RBM19: variants seen among roughly 807,000 people sequenced by gnomAD.
The protein encoded by RBM19 is RNA binding motif protein 19.
In RBM19, 94 loss-of-function variants were observed where a neutral mutation model predicts 116.8. The ratio of observed to expected loss-of-function variants is 0.80; its 90% CI spans 0.68 to 0.95. RBM19 has a LOEUF of 0.95. Among genes scored for constraint, RBM19 ranks in the 40% least tolerant of loss-of-function variants. The pLI is 0.00. For synonymous variants in RBM19, 475 were observed against 494.1 expected (o/e 0.96, Z 0.51); for missense variants, 1,161 against 1,220.7 (o/e 0.95, Z 0.73).
intron 16 of RBM19, among the ~76,000 whole-genome samples, chr12:113,927,591 CAAAAA>C (rs764020256): frequency 3.2e-5 from 2 of 63,060 alleles, no homozygotes; most frequent in Non-Finnish European, 7.2e-5. Context: ...CCTCAAAAAA[CAAAAA>C]AAAAAAAACA....
intron 20 of RBM19, among the ~76,000 whole-genome samples, chr12:113,915,313 C>G (rs192472495): frequency 4.1e-4 from 62 of 152,262 alleles, no homozygotes; most frequent in East Asian, 3.9e-3. Context: ...TGGCTGCTGA[C>G]CTTCATTTGA....
At position 113,965,345 on chromosome 12, in the gene RBM19, G is replaced by GAGA. The variant is rs35042116; in HGVS notation, c.36+846_36+847insTCT. Among the ~76,000 whole-genome samples the GAGA allele has an allele frequency of 2.4e-3, 321 of 131,766 alleles. 1 individual carries two copies. The highest frequency in any genetic ancestry group is 8.0e-3 in the African/African-American group (295 of 37,074). 86.4% of individuals were successfully genotyped at this position (131,766 alleles called of 152,430 possible). ...ACCAAAAAAAGCCATGAAAGAGAGA[G>GAGA]AAAAAAAAGAGATAAGACAAACAAT... On this transcript the variant is annotated intron_variant, in intron 1 of 23. Transcript: ENST00000261741.
chr12:113,817,937 A>T (rs1440164547), downstream of RBM19: 1 of 152,140 alleles, frequency 6.6e-6, no homozygotes, highest in Non-Finnish European at 1.5e-5. Context: ...TACTAAAAAT[A>T]CAAAAAATTA....
intron 23 of RBM19, among the ~76,000 whole-genome samples, chr12:113,844,379 C>A (rs1481024738): frequency 6.6e-6 from 1 of 152,246 alleles, no homozygotes; most frequent in East Asian, 1.9e-4. Flanking sequence ...GATAAACACT[C>A]TGACCTCTGT....
chr12:113,887,151 T>C (rs903490759), intron 21 of RBM19, among the ~76,000 whole-genome samples: 1 of 152,198 alleles, frequency 6.6e-6, no homozygotes, highest in Non-Finnish European at 1.5e-5. Flanking sequence ...CACACCTACT[T>C]GTTGACTTCT....
chr12:113,945,597 C>T (rs111764337), intron 13 of RBM19, among the ~76,000 whole-genome samples: 8 of 152,210 alleles, frequency 5.3e-5, no homozygotes, highest in Admixed American at 2.0e-4. Flanking sequence ...TCACATTCTC[C>T]GGGGTGGCTC....
intron 15 of RBM19, among the ~76,000 whole-genome samples, chr12:113,939,706 C>T (rs1189481323): frequency 2.6e-5 from 4 of 151,706 alleles, no homozygotes; most frequent in African/African-American, 7.3e-5. Context: ...GCAGAGATCG[C>T]GCCACTGCAC....
intron 14 of RBM19, among the ~76,000 whole-genome samples, chr12:113,942,018 C>A (rs907862709): frequency 2.6e-5 from 4 of 152,074 alleles, no homozygotes; most frequent in African/African-American, 4.8e-5. Context: ...AGTCCCCGAA[C>A]AGATAACAGA....
intron 21 of RBM19, among the ~76,000 whole-genome samples, chr12:113,872,366 C>A (rs199711676): frequency 6.7e-6 from 1 of 149,168 alleles, no homozygotes; most frequent in African/African-American, 2.4e-5. Context: ...CCTCTCTGCC[C>A]GGCAGCCACC....
chr12:113,904,083 C>T (rs1337488133), intron 21 of RBM19, among the ~76,000 whole-genome samples: 1 of 152,176 alleles, frequency 6.6e-6, no homozygotes, highest in Non-Finnish European at 1.5e-5. Flanking sequence ...AACTGATTCC[C>T]TGGCATTTTG....
intron 18 of RBM19, among the ~76,000 whole-genome samples, chr12:113,923,974 G>A (rs1868825629): frequency 6.6e-6 from 1 of 152,232 alleles, no homozygotes; most frequent in Non-Finnish European, 1.5e-5. Context: ...TGCAGTAGGT[G>A]CTCAGGACAC....
At chr12:113,862,608 A>AACCTTTGTCTC (rs1342556615) in intron 21 of RBM19, among the ~76,000 whole-genome samples, 1 of 152,146 alleles carries the variant, frequency 6.6e-6, no homozygotes, top group Non-Finnish European at 1.5e-5. Context: ...GTTGTGCATG[A>AACCTTTGTCTC]ACCTTTGTCT....
chr12:113,886,417 G>A (rs996817269), intron 21 of RBM19, among the ~76,000 whole-genome samples: 11 of 152,198 alleles, frequency 7.2e-5, no homozygotes, highest in South Asian at 2.1e-4. Flanking sequence ...AGAGGTGTAA[G>A]CCACCGCGAC....
At position 113,903,511 on chromosome 12, in the gene RBM19, G is replaced by A. The variant is rs546888384; in HGVS notation, c.2558+11458C>T. On this transcript the variant is annotated intron_variant, in intron 21 of 23. Coordinates refer to ENST00000261741, the MANE Select transcript of RBM19 (RefSeq NM_016196.4). The surrounding 1 kb of genome is among the most constrained non-coding windows in gnomAD (Gnocchi z 5.1). ...TCACTGGGTCATAGAGAAAGTGCAC[G>A]TTTTACTTTGTAAGAAACTGCCCAC... Among the ~76,000 whole-genome samples, 39 of 152,316 alleles carry A rather than the reference G, an allele frequency of 2.6e-4. No individual in the cohort carries two copies. Among genetic ancestry groups the A allele is most frequent in the Non-Finnish European group, 3.4e-4 (23 of 68,018 alleles).
In RBM19 at chr12:113,920,692, T is replaced by TGA. The variant is rs753274889; in HGVS notation, c.2306-4_2306-3dup. ...CAAACCCCATGGAAAGGAGCACTCC[T>TGA]GAGAGAGAGAGGTGGAAATCACACC... On this transcript the variant is annotated splice_polypyrimidine_tract_variant and splice_region_variant and intron_variant, in intron 18 of 23. Coordinates refer to ENST00000261741, the MANE Select transcript of RBM19 (RefSeq NM_016196.4). The TGA allele has an allele frequency of 4.3e-6, 7 of 1,612,896 alleles. No homozygotes were observed. The highest frequency in any genetic ancestry group is 4.5e-5 in the East Asian group (2 of 44,874).
intron 14 of RBM19, among the ~76,000 whole-genome samples, chr12:113,941,565 G>C (rs4767171): frequency 0.87 from 132,106 of 151,568 alleles, 57,656 homozygotes; most frequent in East Asian, 0.99. Flanking sequence ...ATCCATCCAT[G>C]CATCATCTGT....
intron 21 of RBM19, among the ~76,000 whole-genome samples, chr12:113,901,812 G>C (rs2135826810): frequency 6.6e-6 from 1 of 152,242 alleles, no homozygotes; most frequent in Admixed American, 6.5e-5. Flanking sequence ...ACCATGCCCA[G>C]CCCCAGGAAT....
chr12:113,902,598 CAA>C (rs60289889), intron 21 of RBM19, among the ~76,000 whole-genome samples: 19 of 114,882 alleles, frequency 1.7e-4, no homozygotes, highest in Admixed American at 3.5e-4. Context: ...GACCCAGTCT[CAA>C]AAAAAAAAAA....
Position 113,877,930 on chromosome 12 carries a change from C to T in RBM19, c.2559-19034G>A, listed in dbSNP as rs1379058362. The stretch of plus-strand genomic sequence containing the variant: ...AAGGAAAAAAATGACTGGTTCTTTT[C>T]GACAAGGGCTCAATAAACCATGGCC... On this transcript the variant is annotated intron_variant, in intron 21 of 23. Coordinates refer to ENST00000261741, the MANE Select transcript of RBM19 (RefSeq NM_016196.4). Among the ~76,000 whole-genome samples the T allele has an allele frequency of 3.9e-5, 6 of 152,188 alleles. No individual in the cohort carries two copies. In the East Asian group the frequency reaches 5.8e-4, roughly 15 times the overall value.
Sources: allele counts gnomAD v4.1 joint callset (sites outside exome capture counted in the v4.1 genomes callset), GRCh38; gene constraint gnomAD v4.1.1; non-coding constraint Gnocchi (gnomAD v3.1); transcripts MANE v1.5; gene names NCBI Gene and HGNC (gene_info 2026-07-23, HGNC 2026-07-21).